The following STEAP1B variants were observed in gnomAD, a reference collection of about 807,000 sequenced individuals.
STEAP1B encodes STEAP family member 1B.
Under a neutral mutation model 27.9 loss-of-function variants are expected in STEAP1B, and 13 were observed. That is an observed-to-expected ratio of 0.47 (90% CI 0.30 to 0.74). The LOEUF is 0.74. Among genes scored for constraint, STEAP1B ranks in the 30% least tolerant of loss-of-function variants. STEAP1B has a pLI of 0.06. For synonymous variants in STEAP1B, 86 were observed against 107.1 expected (o/e 0.80, Z 1.22); for missense variants, 250 against 298.7 (o/e 0.84, Z 1.20).
rs1785416067 is a variant in STEAP1B at position 22,446,804 on chromosome 7, T to C, written c.763-26968A>G. 2.6e-5 allele frequency among the ~76,000 whole-genome samples: 4 copies of C among 152,208 alleles called. No homozygotes were observed. The South Asian group carries it at 8.3e-4, about 31-fold the overall frequency. ...CTCCCTGAACCTCAGTATTTTCATC[T>C]GTGAAATGGAAGGAATGCTGCCCAC... On this transcript the variant is annotated intron_variant, in intron 4 of 4. Transcript: ENST00000678116.
At chr7:22,461,187 C>T (rs144525112) in intron 4 of STEAP1B, among the ~76,000 whole-genome samples, 5 of 152,326 alleles carry the variant, frequency 3.3e-5, no homozygotes, top group African/African-American at 1.2e-4. Context: ...TGAAGAGGGT[C>T]GTTTCAGTTT....
Position 22,492,696 on chromosome 7 carries a change from G to T in STEAP1B, c.631C>A (p.His211Asn). 6.2e-7 allele frequency: 1 copy of T among 1,611,108 alleles called. No individual in the cohort carries two copies. Among genetic ancestry groups the T allele is most frequent in the South Asian group, 1.1e-5 (1 of 90,116 alleles). ...QQNKEDAWIE[H>N]DVWRMEIYVS... is the part of the protein sequence containing the mutation. ...TAAATCTCCATTCTCCAAACATCAT[G>T]CTCAATCCAGGCATCTTCTTTATTT... is the stretch of plus-strand genomic sequence containing the variant. Residue 211 changes from histidine (H) to asparagine (N), a missense_variant, in exon 4 of 5, where the codon CAT (histidine) becomes AAT (asparagine). Coordinates refer to ENST00000678116, the MANE Select transcript of STEAP1B (RefSeq NM_001382447.1).
chr7:22,423,883 G>A (rs1045300555), intron 4 of STEAP1B, among the ~76,000 whole-genome samples: 2 of 152,126 alleles, frequency 1.3e-5, no homozygotes, highest in African/African-American at 4.8e-5. Context: ...ACAAAAATTA[G>A]CTGGGTGTGG....
At chr7:22,497,105 C>G (rs4719697) in intron 1 of STEAP1B, among the ~76,000 whole-genome samples, 133,773 of 152,218 alleles carry the variant, frequency 0.88, 58,888 homozygotes, top group African/African-American at 0.93. Flanking sequence ...CTCATTCCCT[C>G]GTCACAGAAG....
chr7:22,451,087 C>G (rs895422284), intron 4 of STEAP1B, among the ~76,000 whole-genome samples: 1 of 151,942 alleles, frequency 6.6e-6, no homozygotes, highest in Admixed American at 6.6e-5. Context: ...ATCCCAGCTA[C>G]TCAGGAGGCT....
intron 4 of STEAP1B, among the ~76,000 whole-genome samples, chr7:22,461,004 A>C (rs556232791): frequency 2.0e-5 from 3 of 152,304 alleles, no homozygotes; most frequent in South Asian, 4.1e-4. Flanking sequence ...ATACATTGAT[A>C]AATGACACAG....
chr7:22,458,525 A>G (rs1785625183), intron 4 of STEAP1B, among the ~76,000 whole-genome samples: 1 of 152,234 alleles, frequency 6.6e-6, no homozygotes, highest in Non-Finnish European at 1.5e-5. Flanking sequence ...TGGTATGAAT[A>G]TTTATACCTC....
At position 22,462,267 on chromosome 7, in the gene STEAP1B, C is replaced by T. The variant is rs560954355; in HGVS notation, c.762+30298G>A. Reference sequence around the variant, plus strand: ...TTATTATACTTTAAGTTTTAGGGTACATGTGCACAATGTGCAGGTTAGTTA... The same window carrying T: ...TTATTATACTTTAAGTTTTAGGGTATATGTGCACAATGTGCAGGTTAGTTA... On this transcript the variant is annotated intron_variant, in intron 4 of 4. Coordinates refer to ENST00000678116, the MANE Select transcript of STEAP1B (RefSeq NM_001382447.1). Among the ~76,000 whole-genome samples, 3 of 151,018 alleles carry T rather than the reference C, an allele frequency of 2.0e-5. No individual in the cohort carries two copies. In the East Asian group the frequency reaches 5.8e-4, roughly 29 times the overall value.
chr7:22,423,454 A>G lies in STEAP1B; in HGVS notation c.763-3618T>C, dbSNP rs986457221. ...ATAAAAAGAAATGGCATACTGATAC[A>G]TGCTGCAACATGTCTAAACCTTAAA... On this transcript the variant is annotated intron_variant, in intron 4 of 4. Coordinates refer to ENST00000678116, the MANE Select transcript of STEAP1B (RefSeq NM_001382447.1). 8.5e-5 allele frequency among the ~76,000 whole-genome samples: 13 copies of G among 152,346 alleles called. No homozygotes were observed. The East Asian group carries it at 2.5e-3, about 29-fold the overall frequency.
At chr7:22,464,948 CATATAT>C (rs75308240) in intron 4 of STEAP1B, among the ~76,000 whole-genome samples, 1,645 of 45,048 alleles carry the variant, frequency 0.037, 288 homozygotes, top group South Asian at 0.21. Flanking sequence ...TACCAAACCC[CATATAT>C]ATATATATAT....
rs546694545 is a variant in STEAP1B, at chr7:22,492,868, T to C, written c.598-139A>G. The C allele has an allele frequency of 8.3e-5, 114 of 1,376,626 alleles. No homozygotes were observed. In the African/African-American group the frequency reaches 1.2e-3, roughly 14 times the overall value. 85.3% of individuals were successfully genotyped at this position (1,376,626 alleles called of 1,614,324 possible). On this transcript the variant is annotated intron_variant, in intron 3 of 4. Coordinates refer to ENST00000678116, the MANE Select transcript of STEAP1B (RefSeq NM_001382447.1). Reference sequence around the variant, plus strand: ...CACAAATTTATGACTTTTTCTTTTTTTTTTGCATTCCTCTAAGACAAATGA... The same window carrying C: ...CACAAATTTATGACTTTTTCTTTTTCTTTTGCATTCCTCTAAGACAAATGA...
chr7:22,490,576 C>G (rs905271328), intron 4 of STEAP1B, among the ~76,000 whole-genome samples: 7 of 152,172 alleles, frequency 4.6e-5, no homozygotes, highest in African/African-American at 1.2e-4. Flanking sequence ...GTATTACCGT[C>G]CTTTCTAGGG....
chr7:22,477,954 AACAC>A (rs1786000738), intron 4 of STEAP1B, among the ~76,000 whole-genome samples: 1 of 152,174 alleles, frequency 6.6e-6, no homozygotes, highest in African/African-American at 2.4e-5. Context: ...CATAGGGAAA[AACAC>A]ACAGTACTCT....
intron 3 of STEAP1B, 149 bp downstream of exon 3, chr7:22,493,175 G>C: frequency 9.9e-7 from 1 of 1,008,030 alleles, no homozygotes; most frequent in Non-Finnish European, 1.4e-6. Context: ...CCAAGCCCTA[G>C]TGTAATTATA....
In STEAP1B at chr7:22,482,366, G is replaced by A. The variant is rs774631208; in HGVS notation, c.762+10199C>T. Among the ~76,000 whole-genome samples, 56 of 152,338 alleles carry A rather than the reference G, an allele frequency of 3.7e-4. 1 individual carries two copies. Among genetic ancestry groups the A allele is most frequent in the South Asian group, 1.0e-3 (5 of 4,828 alleles). On this transcript the variant is annotated intron_variant, in intron 4 of 4. Transcript: ENST00000678116. ...AACCAACGAATAATTCTTAGCACAA[G>A]TATGGCCTAAGTTGTTTATGGGTCA...
chr7:22,488,803 A>T (rs1291052772), intron 4 of STEAP1B, among the ~76,000 whole-genome samples: 1 of 152,176 alleles, frequency 6.6e-6, no homozygotes, highest in Non-Finnish European at 1.5e-5. Context: ...CTTACACCCC[A>T]GTCATGCAGC....
chr7:22,445,643 C>A (rs977690150), intron 4 of STEAP1B, among the ~76,000 whole-genome samples: 1 of 152,240 alleles, frequency 6.6e-6, no homozygotes, highest in Non-Finnish European at 1.5e-5. Context: ...TTTGGTCGAC[C>A]TTTTCCGGCT....
chr7:22,454,834 T>TAC (rs1369338593), intron 4 of STEAP1B, among the ~76,000 whole-genome samples: 16 of 60,780 alleles, frequency 2.6e-4, no homozygotes, highest in African/African-American at 1.5e-3. Context: ...ATATTATATA[T>TAC]ATATATATAT....
chr7:22,421,982 T>C (rs190750989), intron 4 of STEAP1B, among the ~76,000 whole-genome samples: 1 of 152,394 alleles, frequency 6.6e-6, no homozygotes, highest in East Asian at 1.9e-4. Flanking sequence ...TAAACGTCAC[T>C]ATCAAATAGC....
Sources: gnomAD v4.1 joint callset for allele counts (sites outside exome capture counted in the v4.1 genomes callset) on GRCh38, gnomAD v4.1.1 for gene constraint, MANE v1.5 for transcripts, NCBI Gene and HGNC (gene_info 2026-07-23, HGNC 2026-07-21) for gene names.